The following PARVB variants were observed in gnomAD, a reference collection of about 807,000 sequenced individuals.
PARVB encodes the protein beta-parvin.
PARVB carries 46 observed loss-of-function variants against 47.0 expected under a neutral mutation model. The observed-to-expected ratio is 0.98, with a 90% CI of 0.77 to 1.25. The LOEUF (loss-of-function observed/expected upper bound fraction) is 1.25. Ranked by LOEUF, PARVB falls within the 50% of genes most tolerant of loss-of-function variation. The pLI, the probability that PARVB is intolerant of heterozygous loss-of-function variation, is 0.00. For synonymous variants in PARVB, 196 were observed against 196.3 expected (o/e 1.00, Z 0.01); for missense variants, 473 against 471.6 (o/e 1.00, Z -0.03).
At position 44,051,709 on chromosome 22, in the gene PARVB, T is replaced by G. The variant is rs1005209478; in HGVS notation, c.112+27258T>G. Among the ~76,000 whole-genome samples the G allele has an allele frequency of 1.2e-4, 19 of 152,038 alleles. No individual in the cohort carries two copies. In the South Asian group the frequency reaches 2.7e-3, roughly 22 times the overall value. ...ATTGAGTGAAGGTCTCTGTTAGGGGTTTGTGTTCCCCTAAAAGGTATGTCC... is the reference window on the plus strand; with the variant it reads ...ATTGAGTGAAGGTCTCTGTTAGGGGGTTGTGTTCCCCTAAAAGGTATGTCC... On this transcript the variant is annotated intron_variant, in intron 1 of 12. Transcript: ENST00000338758.
At chr22:44,117,695 C>T (rs1475698148) in intron 3 of PARVB, among the ~76,000 whole-genome samples, 1 of 152,200 alleles carries the variant, frequency 6.6e-6, no homozygotes, top group Non-Finnish European at 1.5e-5. Context: ...AGAAATTTGC[C>T]TTGTGGCCAA....
intron 2 of PARVB, among the ~76,000 whole-genome samples, chr22:44,009,929 C>T (rs543559352): frequency 6.6e-6 from 1 of 151,670 alleles, no homozygotes; most frequent in African/African-American, 2.4e-5. Flanking sequence ...GCCTCAGCCT[C>T]TCGAGTAGCT....
chr22:44,165,560 T>G (rs2054149077), intron 12 of PARVB, among the ~76,000 whole-genome samples: 2 of 152,176 alleles, frequency 1.3e-5, no homozygotes, highest in South Asian at 4.1e-4. Context: ...CTGCTTTGCC[T>G]CTCCCCAGCT....
At chr22:44,046,257 C>T (rs939570286) in intron 1 of PARVB, among the ~76,000 whole-genome samples, 1 of 152,200 alleles carries the variant, frequency 6.6e-6, no homozygotes, top group South Asian at 2.1e-4. Flanking sequence ...TCTGTGTCAC[C>T]TACTTGCCTA....
At chr22:44,058,858 G>A (rs5764495) in intron 1 of PARVB, among the ~76,000 whole-genome samples, 93,746 of 151,574 alleles carry the variant, frequency 0.62, 30,778 homozygotes, top group East Asian at 0.92. Context: ...CCCATCGGAC[G>A]TGGATTTTGG....
intron 7 of PARVB, among the ~76,000 whole-genome samples, chr22:44,137,871 G>T (rs771556112): frequency 6.6e-6 from 1 of 152,118 alleles, no homozygotes; most frequent in Non-Finnish European, 1.5e-5. Context: ...TGAGTCACAG[G>T]TCATCCTGGA....
chr22:44,050,442 C>T (rs2051188914), intron 1 of PARVB, among the ~76,000 whole-genome samples: 1 of 151,838 alleles, frequency 6.6e-6, no homozygotes, highest in South Asian at 2.1e-4. Flanking sequence ...CTCCCGGGTT[C>T]AAGTGATTCT....
intron 1 of PARVB, among the ~76,000 whole-genome samples, chr22:44,061,741 C>T (rs112302128): frequency 0.025 from 3,753 of 151,976 alleles, 100 homozygotes; most frequent in African/African-American, 0.073. Flanking sequence ...CTCAGCCTCC[C>T]GAGTAGCTGA....
At chr22:44,131,064 CCT>C (rs1419671239) in intron 4 of PARVB, among the ~76,000 whole-genome samples, 2 of 133,232 alleles carry the variant, frequency 1.5e-5, no homozygotes, top group Admixed American at 7.4e-5. Flanking sequence ...TCCCTCCCTC[CCT>C]CTCTCTCTCT....
chr22:44,119,694 G>A, intron 4 of PARVB: 1 of 477,290 alleles, frequency 2.1e-6, no homozygotes, highest in East Asian at 6.5e-5. Flanking sequence ...CGAGGGCTGG[G>A]TACCAGGGAT....
chr22:44,004,892 A>C (rs1227181282), intron 2 of PARVB, among the ~76,000 whole-genome samples: 2 of 152,222 alleles, frequency 1.3e-5, no homozygotes, highest in African/African-American at 2.4e-5. Flanking sequence ...CCTGAAGTAC[A>C]TTTTAAGGAG....
chr22:44,021,859 A>G (rs1435811925), upstream of PARVB, among the ~76,000 whole-genome samples: 4 of 151,876 alleles, frequency 2.6e-5, no homozygotes. Flanking sequence ...CAATGCTTCT[A>G]CAGGCCGAGG....
chr22:44,075,370 C>T (rs1035513960), intron 1 of PARVB, among the ~76,000 whole-genome samples: 10 of 152,176 alleles, frequency 6.6e-5, no homozygotes, highest in South Asian at 2.1e-4. Context: ...AGAGATTTCC[C>T]GTGACTGCAC....
chr22:44,138,316 G>C (rs1255990929), intron 7 of PARVB, among the ~76,000 whole-genome samples: 1 of 152,180 alleles, frequency 6.6e-6, no homozygotes, highest in East Asian at 1.9e-4. Context: ...CCCAAAGTCA[G>C]GGAAGGGGAG....
At chr22:44,135,310 G>A (rs2053420065) in intron 6 of PARVB, among the ~76,000 whole-genome samples, 1 of 151,968 alleles carries the variant, frequency 6.6e-6, no homozygotes, top group African/African-American at 2.4e-5. Flanking sequence ...CCAGGCTGGA[G>A]TGCAGTGGCA....
At chr22:44,011,526 G>A (rs1259424511) in intron 2 of PARVB, among the ~76,000 whole-genome samples, 1 of 152,108 alleles carries the variant, frequency 6.6e-6, no homozygotes, top group Non-Finnish European at 1.5e-5. Flanking sequence ...CAAGAACATT[G>A]TAAGCCTGCT....
chr22:44,055,159 C>A (rs76192293), intron 1 of PARVB, among the ~76,000 whole-genome samples: 3,523 of 152,102 alleles, frequency 0.023, 148 homozygotes, highest in African/African-American at 0.081. Flanking sequence ...GAAGTACCCA[C>A]GTTCCTGCTA....
rs756377078 is a variant in PARVB at position 44,083,569 on chromosome 22, G to A, written c.113-10359G>A. On this transcript the variant is annotated intron_variant, in intron 1 of 12. Transcript: ENST00000338758. ...GATGTGCAGAGTGTGCTTTCCAGAC[G>A]GTGGGAAATGGGTGGAGCTAGCTGA... Among the ~76,000 whole-genome samples the A allele has an allele frequency of 4.6e-5, 7 of 152,136 alleles. No individual in the cohort carries two copies. The South Asian group carries it at 1.0e-3, about 23-fold the overall frequency.
intron 1 of PARVB, among the ~76,000 whole-genome samples, chr22:44,042,266 C>CA (rs1407106194): frequency 6.6e-6 from 1 of 152,052 alleles, no homozygotes; most frequent in African/African-American, 2.4e-5. Context: ...ACTAAAAATA[C>CA]AAAAATTAGC....
Sources: gnomAD v4.1 joint callset for allele counts (sites outside exome capture counted in the v4.1 genomes callset) on GRCh38, gnomAD v4.1.1 for gene constraint, MANE v1.5 for transcripts, NCBI Gene and HGNC (gene_info 2026-07-23, HGNC 2026-07-21) for gene names.